ACSM6: variants seen among roughly 807,000 people sequenced by gnomAD.
ACSM6 encodes acyl-CoA synthetase medium chain family member 6.
ACSM6 carries 35 observed loss-of-function variants against 51.1 expected under a neutral mutation model. The ratio of observed to expected loss-of-function variants is 0.69; its 90% confidence interval spans 0.52 to 0.91. The LOEUF (loss-of-function observed/expected upper bound fraction) is 0.91. Among genes scored for constraint, ACSM6 ranks in the 40% least tolerant of loss-of-function variants. The pLI is 0.00. For synonymous variants in ACSM6, 172 were observed against 207.3 expected (o/e 0.83, Z 1.46); for missense variants, 509 against 584.1 (o/e 0.87, Z 1.32).
chr10:95,215,018 G>A lies in ACSM6; in HGVS notation c.1119+43G>A, dbSNP rs748058430. On this transcript the variant is annotated intron_variant, in intron 8 of 10. Transcript: ENST00000341686. ...CACTATTTAGCCAGAAACCAAACTT[G>A]CCCATTCACTGTGTAAGCACACTGT... The A allele has an allele frequency of 1.4e-5, 22 of 1,548,068 alleles. No homozygotes were observed. The South Asian group carries it at 2.3e-4, about 16-fold the overall frequency.
chr10:95,211,738 C>A, intron 5 of ACSM6, 140 bp from the exon 6 acceptor site: 1 of 859,546 alleles, frequency 1.2e-6, no homozygotes, highest in Non-Finnish European at 1.7e-6. Context: ...GGCCTCATGA[C>A]CTCATAAATA....
At chr10:95,200,198 G>T (rs1030072697) in intron 2 of ACSM6, among the ~76,000 whole-genome samples, 3 of 151,948 alleles carry the variant, frequency 2.0e-5, no homozygotes, top group African/African-American at 7.3e-5. Flanking sequence ...TCCTTTGTAG[G>T]GACATGGATG....
At chr10:95,199,927 T>A (rs2034775060) in intron 2 of ACSM6, among the ~76,000 whole-genome samples, 1 of 152,208 alleles carries the variant, frequency 6.6e-6, no homozygotes, top group Non-Finnish European at 1.5e-5. Flanking sequence ...GTTCAGCCAT[T>A]GTGGAAGTCA....
At chr10:95,213,437 A>G (rs1189689839) in intron 7 of ACSM6, among the ~76,000 whole-genome samples, 2 of 152,186 alleles carry the variant, frequency 1.3e-5, no homozygotes, top group African/African-American at 2.4e-5. Flanking sequence ...ATCTATCCCA[A>G]AAGAAACATA....
chr10:95,200,884 A>G (rs2034788445), intron 2 of ACSM6, among the ~76,000 whole-genome samples: 1 of 152,004 alleles, frequency 6.6e-6, no homozygotes, highest in African/African-American at 2.4e-5. Context: ...GAAAAAAGGG[A>G]GAAAAGAGCC....
At chr10:95,198,574 C>G (rs896064199) in intron 2 of ACSM6, among the ~76,000 whole-genome samples, 8 of 151,840 alleles carry the variant, frequency 5.3e-5, no homozygotes, top group Admixed American at 3.3e-4. Context: ...TTGCTTGAAC[C>G]CGGGAGGCAG....
intron 8 of ACSM6, among the ~76,000 whole-genome samples, chr10:95,218,521 G>C (rs1295363553): frequency 6.6e-6 from 1 of 152,162 alleles, no homozygotes; most frequent in Non-Finnish European, 1.5e-5. Flanking sequence ...TTTTCTCTGA[G>C]TTGTTCTCTG....
At chr10:95,228,479 G>C (rs955560790) in intron 10 of ACSM6, 165 bp from the exon 11 acceptor site, 2 of 591,382 alleles carry the variant, frequency 3.4e-6, no homozygotes, top group African/African-American at 3.8e-5. Flanking sequence ...ACCAAGGAAA[G>C]TTCTCCGTGT....
At chr10:95,213,015 G>A in intron 7 of ACSM6, 75 bp downstream of exon 7, 1 of 1,265,304 alleles carries the variant, frequency 7.9e-7, no homozygotes, top group Non-Finnish European at 1.2e-6. Context: ...CCCTTAATTT[G>A]TTGAAGTAGA....
intron 2 of ACSM6, among the ~76,000 whole-genome samples, chr10:95,196,967 A>T (rs755511004): frequency 6.6e-6 from 1 of 152,096 alleles, no homozygotes; most frequent in Non-Finnish European, 1.5e-5. Context: ...ATCTTTGTGT[A>T]TCTATATTCT....
At chr10:95,197,451 C>A (rs35749969) in intron 2 of ACSM6, among the ~76,000 whole-genome samples, 5,364 of 149,628 alleles carry the variant, frequency 0.036, 119 homozygotes, top group Non-Finnish European at 0.053. Flanking sequence ...AGGTCAGCAA[C>A]AAACATGTGA....
intron 10 of ACSM6, chr10:95,228,410 C>T: frequency 2.3e-6 from 1 of 442,572 alleles, no homozygotes; most frequent in African/African-American, 2.0e-5. Flanking sequence ...AGTGAAGTGC[C>T]ATCATTACTC....
intron 10 of ACSM6, among the ~76,000 whole-genome samples, chr10:95,227,255 A>G (rs685607): frequency 0.53 from 79,866 of 151,930 alleles, 21,900 homozygotes; most frequent in Middle Eastern, 0.65. Flanking sequence ...CCAAAATGCC[A>G]ACAGCCACCG....
In ACSM6 at chr10:95,208,930, G is replaced by GT. The variant is rs1186360219; in HGVS notation, c.611+1518dup. On this transcript the variant is annotated intron_variant, in intron 4 of 10. Transcript: ENST00000341686. Reference sequence around the variant, plus strand: ...GGGCAGTATTTCAGTGTCCAGGGATGTTTAAAAAAAAAAAAAAAAAAAAAA... The same window carrying GT: ...GGGCAGTATTTCAGTGTCCAGGGATGTTTTAAAAAAAAAAAAAAAAAAAAAA... Among the ~76,000 whole-genome samples the GT allele has an allele frequency of 6.8e-4, 13 of 19,096 alleles. No homozygotes were observed. The Admixed American group carries it at 0.011, about 16-fold the overall frequency. The allele number at this position is 19,096 out of a possible 152,430, so 12.5% of individuals were successfully genotyped here. A position where few individuals can be genotyped will look rare whatever the true frequency, so the allele number is the denominator to read the frequency against.
chr10:95,212,352 T>C (rs2034901601), intron 6 of ACSM6, among the ~76,000 whole-genome samples: 1 of 152,222 alleles, frequency 6.6e-6, no homozygotes, highest in South Asian at 2.1e-4. Context: ...ATGGATTATT[T>C]CATCTCCCCA....
intron 9 of ACSM6, among the ~76,000 whole-genome samples, chr10:95,223,066 C>T (rs1036914830): frequency 6.6e-6 from 1 of 151,664 alleles, no homozygotes; most frequent in Non-Finnish European, 1.5e-5. Flanking sequence ...AGGACCCACA[C>T]AAAGGGGGAA....
rs757069737 is a variant in ACSM6, at chr10:95,225,400, A to G, written c.1302+9A>G. 6.6e-7 allele frequency: 1 copy of G among 1,503,922 alleles called. No homozygotes were observed. The allele number at this position is 1,503,922 out of a possible 1,614,324, so 93.2% of individuals were successfully genotyped here. A position where few individuals can be genotyped will look rare whatever the true frequency, so the allele number is the denominator to read the frequency against. On this transcript the variant is annotated intron_variant, in intron 10 of 10. Transcript: ENST00000341686. Reference sequence around the variant, plus strand: ...TGTACTGTCCACACATGGTAAGAAAATTTTCTTCTTTCCTAAATACTTTCA... The same window carrying G: ...TGTACTGTCCACACATGGTAAGAAAGTTTTCTTCTTTCCTAAATACTTTCA...
intron 10 of ACSM6, among the ~76,000 whole-genome samples, chr10:95,227,131 C>T (rs891929263): frequency 1.3e-5 from 2 of 151,994 alleles, no homozygotes; most frequent in Non-Finnish European, 2.9e-5. Flanking sequence ...GGATTACCAG[C>T]TCTCACCACC....
At chr10:95,207,497 G>A in intron 4 of ACSM6, 82 bp downstream of exon 4, 1 of 1,411,786 alleles carries the variant, frequency 7.1e-7, no homozygotes, top group Non-Finnish European at 9.9e-7. Context: ...AAAGTGGTGT[G>A]AGTGGTCAGA....
Sources: gnomAD v4.1 joint callset for allele counts (sites outside exome capture counted in the v4.1 genomes callset) on GRCh38, gnomAD v4.1.1 for gene constraint, MANE v1.5 for transcripts, NCBI Gene and HGNC (gene_info 2026-07-23, HGNC 2026-07-21) for gene names.